Variants in AOPEP observed in about 807,000 individuals in gnomAD.
AOPEP encodes the protein aminopeptidase O.
In AOPEP, 77 loss-of-function variants were observed where a neutral mutation model predicts 98.1. That is an observed-to-expected ratio of 0.78 (90% CI 0.65 to 0.95). The LOEUF is 0.95. Among genes scored for constraint, AOPEP ranks in the 40% least tolerant of loss-of-function variants. AOPEP has a pLI of 0.00. For synonymous variants in AOPEP, 346 were observed against 365.3 expected (o/e 0.95, Z 0.60); for missense variants, 1,024 against 1,024.7 (o/e 1.00, Z 0.01).
intron 5 of AOPEP, among the ~76,000 whole-genome samples, chr9:94,890,193 A>T: frequency 7.4e-6 from 1 of 135,056 alleles, no homozygotes; most frequent in African/African-American, 2.8e-5. Context: ...ATGCCTGGCT[A>T]ATTTTTGTGG....
the AOPEP span, among the ~76,000 whole-genome samples, chr9:95,108,889 T>C: frequency 6.6e-6 from 1 of 150,768 alleles, no homozygotes; most frequent in South Asian, 2.1e-4. Flanking sequence ...ACTGTATCTA[T>C]AGAACATGCT....
intron 15 of AOPEP, 129 bp from the exon 16 acceptor site, chr9:95,082,446 C>T: frequency 9.8e-7 from 1 of 1,022,570 alleles, no homozygotes; most frequent in East Asian, 2.7e-5. Context: ...CGGCCTCTGT[C>T]TTCTCTGGGG....
intron 5 of AOPEP, among the ~76,000 whole-genome samples, chr9:94,899,009 A>G (rs965752795): frequency 1.3e-5 from 2 of 152,082 alleles, no homozygotes; most frequent in Non-Finnish European, 2.9e-5. Context: ...CCTTGGTATA[A>G]TATCAACTGA....
intron 10 of AOPEP, 34 bp downstream of exon 10, chr9:94,967,835 GC>G: frequency 4.5e-6 from 7 of 1,561,042 alleles, no homozygotes; most frequent in Non-Finnish European, 6.2e-6. Context: ...GGAATTAAGA[GC>G]CCAGTTTTAA....
chr9:95,084,015 A>AT (rs1326182534), intron 16 of AOPEP, among the ~76,000 whole-genome samples: 1 of 151,914 alleles, frequency 6.6e-6, no homozygotes, highest in Non-Finnish European at 1.5e-5. Flanking sequence ...TAGCTGTGAG[A>AT]TTTTTTTTCT....
intron 14 of AOPEP, among the ~76,000 whole-genome samples, chr9:95,066,839 T>G (rs2067948652): frequency 1.3e-5 from 2 of 152,220 alleles, no homozygotes; most frequent in African/African-American, 2.4e-5. Context: ...TCCAAAGGCT[T>G]CTCGAGTGGA....
chr9:95,074,535 G>C (rs968318443), intron 14 of AOPEP, among the ~76,000 whole-genome samples: 1 of 152,152 alleles, frequency 6.6e-6, no homozygotes, highest in East Asian at 1.9e-4. Flanking sequence ...GTGTTACCCC[G>C]ACCTGTACGC....
chr9:95,089,811 G>T (rs1483234706), downstream of AOPEP, among the ~76,000 whole-genome samples: 1 of 152,226 alleles, frequency 6.6e-6, no homozygotes, highest in Admixed American at 6.5e-5. Context: ...CCTGTCACAG[G>T]TTCTCAGTTA....
chr9:95,076,272 T>A (rs1294887503), intron 14 of AOPEP, among the ~76,000 whole-genome samples: 1 of 152,222 alleles, frequency 6.6e-6, no homozygotes, highest in Non-Finnish European at 1.5e-5. Context: ...TACACCCTCA[T>A]GGAAGGCAAT....
Position 95,005,188 on chromosome 9 carries a change from G to T in AOPEP, c.2008G>T (p.Glu670Ter). ...GCAGAGGGAGCGTCGCGCCGGGGCG[G>T]AGTGCGGGCTTGCGCGGCAAGTGCG... is the stretch of plus-strand genomic sequence containing the variant. ...PLQRERRAGA[E>*]CGLARQVRAE... Residue 670 changes from glutamate to a stop codon, truncating the protein, a stop_gained, in exon 12 of 17, where the codon GAG becomes TAG. Transcript: ENST00000375315. LOFTEE classifies it high-confidence loss of function. The T allele has an allele frequency of 8.7e-7, 1 of 1,149,048 alleles. No individual in the cohort carries two copies. The highest frequency in any genetic ancestry group is 3.3e-5 in the South Asian group (1 of 30,010). The allele number at this position is 1,149,048 out of a possible 1,614,324, so 71.2% of individuals were successfully genotyped here. A position where few individuals can be genotyped will look rare whatever the true frequency, so the allele number is the denominator to read the frequency against.
At chr9:94,762,288 A>T (rs1838507580) in intron 2 of AOPEP, among the ~76,000 whole-genome samples, 1 of 152,128 alleles carries the variant, frequency 6.6e-6, no homozygotes, top group African/African-American at 2.4e-5. Context: ...TCTACTAAAA[A>T]TACAAAAAAT....
intron 11 of AOPEP, among the ~76,000 whole-genome samples, chr9:94,979,820 A>T (rs1036744489): frequency 6.6e-6 from 1 of 152,142 alleles, no homozygotes; most frequent in South Asian, 2.1e-4. Flanking sequence ...TGCTCTTTGG[A>T]TGCGGCCCAA....
At chr9:94,950,052 T>A (rs2057988314) in intron 7 of AOPEP, among the ~76,000 whole-genome samples, 1 of 152,206 alleles carries the variant, frequency 6.6e-6, no homozygotes, top group Admixed American at 6.5e-5. Flanking sequence ...TAGGCTACAT[T>A]TGTGTGTGGT....
At position 94,776,453 on chromosome 9, in the gene AOPEP, C is replaced by T. The variant is rs142448821; in HGVS notation, c.964+3285C>T. Among the ~76,000 whole-genome samples the T allele has an allele frequency of 4.4e-3, 669 of 152,280 alleles. 7 individuals carry two copies. Among genetic ancestry groups the T allele is most frequent in the Non-Finnish European group, 7.5e-3 (509 of 68,016 alleles). Reference sequence around the variant, plus strand: ...AGTAGCTGGGACTACAGGCGCACGCCGCCATGCCTGGCTAATGTTTTGTAT... The same window carrying T: ...AGTAGCTGGGACTACAGGCGCACGCTGCCATGCCTGGCTAATGTTTTGTAT... On this transcript the variant is annotated intron_variant, in intron 3 of 16. Coordinates refer to ENST00000375315, the MANE Select transcript of AOPEP (RefSeq NM_001193329.3).
chr9:94,943,931 A>C (rs865807259), intron 7 of AOPEP, among the ~76,000 whole-genome samples: 3 of 147,738 alleles, frequency 2.0e-5, no homozygotes, highest in East Asian at 1.9e-4. Flanking sequence ...AAAAAAAAAA[A>C]AAAAAAAAAA....
chr9:94,967,770 A>G lies in AOPEP; in HGVS notation c.1885A>G (p.Met629Val), dbSNP rs1589114927. ...TTTTTAATCCCAGGATTTCCTTCAA[A>G]TGCTACTGGAGAACATTCCAGAAGA... The part of the protein sequence containing the change: ...QLILSQDFLQ[M>V]LLENIPEEKR... Residue 629 changes from methionine to valine, a missense_variant, in exon 10 of 17, where the codon ATG becomes GTG. Physicochemically the swap from Met to Val is conservative, Grantham distance 21 (BLOSUM62 1). Transcript: ENST00000375315. The G allele has an allele frequency of 1.9e-6, 3 of 1,613,378 alleles. No individual in the cohort carries two copies. Among genetic ancestry groups the G allele is most frequent in the African/African-American group, 1.3e-5 (1 of 74,918 alleles).
chr9:94,849,822 G>A (rs984903969), intron 5 of AOPEP, among the ~76,000 whole-genome samples: 1 of 152,074 alleles, frequency 6.6e-6, no homozygotes, highest in Non-Finnish European at 1.5e-5. Context: ...ATCACCTGAG[G>A]TCAGGAGTCC....
intron 7 of AOPEP, among the ~76,000 whole-genome samples, chr9:94,935,786 C>A (rs532063211): frequency 1.1e-4 from 16 of 152,310 alleles, no homozygotes; most frequent in African/African-American, 3.6e-4. Flanking sequence ...CCCACTCTCT[C>A]TAAAGATCAA....
chr9:94,826,860 G>A (rs1441037209), intron 5 of AOPEP, among the ~76,000 whole-genome samples: 1 of 152,110 alleles, frequency 6.6e-6, no homozygotes, highest in Non-Finnish European at 1.5e-5. Flanking sequence ...AGTGGTCATG[G>A]CAACAGTTGG....
Sources: gnomAD v4.1 joint callset for allele counts (sites outside exome capture counted in the v4.1 genomes callset) on GRCh38, gnomAD v4.1.1 for gene constraint, MANE v1.5 for transcripts, NCBI Gene and HGNC (gene_info 2026-07-23, HGNC 2026-07-21) for gene names.